The following NOP16 variants were observed in gnomAD, a reference collection of about 807,000 sequenced individuals.
The protein encoded by NOP16 is NOP16 nucleolar protein, also known as nucleolar protein 16.
Under a neutral mutation model 22.7 loss-of-function variants are expected in NOP16, and 14 were observed. That is an observed-to-expected ratio of 0.62 (90% CI 0.41 to 0.97). The LOEUF (loss-of-function observed/expected upper bound fraction) is 0.97. NOP16 is among the 50% of genes least tolerant of loss of function. The probability of loss-of-function intolerance (pLI) is 0.00; values close to 1 mark genes in which losing one functional copy is unlikely to be tolerated. For missense variants in NOP16, 198 were observed against 235.9 expected (o/e 0.84, Z 1.05); for synonymous variants, 80 against 83.6 (o/e 0.96, Z 0.23).
chr5:176,388,093 G>A (rs1756029967), intron 2 of NOP16, 142 bp downstream of exon 2: 1 of 632,770 alleles, frequency 1.6e-6, no homozygotes, highest in Admixed American at 2.8e-5. Flanking sequence ...CTCAACGTCA[G>A]TTGAGCGTTC....
intron 1 of NOP16, 37 bp from the exon 2 acceptor site, chr5:176,388,380 C>A: frequency 6.2e-7 from 1 of 1,612,960 alleles, no homozygotes; most frequent in South Asian, 1.1e-5. Context: ...TCCGTCATCT[C>A]GCGGACCGTC....
chr5:176,385,066 A>G, intron 4 of NOP16, 155 bp downstream of exon 4: 2 of 656,016 alleles, frequency 3.0e-6, no homozygotes, highest in South Asian at 1.7e-5. Context: ...CATTCATTCA[A>G]GTTAGATCCC....
At chr5:176,384,681 G>T in intron 4 of NOP16, 1 of 421,212 alleles carries the variant, frequency 2.4e-6, no homozygotes, top group Non-Finnish European at 4.2e-6. Flanking sequence ...GAGGCAGGAG[G>T]ACTGTTTCAG....
intron 3 of NOP16, among the ~76,000 whole-genome samples, chr5:176,385,671 C>T (rs1755783197): frequency 6.6e-6 from 1 of 152,208 alleles, no homozygotes; most frequent in Non-Finnish European, 1.5e-5. Context: ...CATACCTGCC[C>T]ACAGGACAGG....
In NOP16 at chr5:176,384,036, G is replaced by A; in HGVS notation, c.*195C>T. The A allele has an allele frequency of 6.5e-7, 1 of 1,543,484 alleles. No individual in the cohort carries two copies. The highest frequency in any genetic ancestry group is 8.7e-7 in the Non-Finnish European group (1 of 1,149,902). On this transcript the variant is annotated 3_prime_UTR_variant, in exon 5 of 5. Coordinates refer to ENST00000614830, the MANE Select transcript of NOP16 (RefSeq NM_016391.8). ...CTGGCTTTTCCGTGAACCCCCAGATGAATATAAATTGGAGCCTCTGAGAAC... is the reference window on the plus strand; with the variant it reads ...CTGGCTTTTCCGTGAACCCCCAGATAAATATAAATTGGAGCCTCTGAGAAC...
chr5:176,385,775 G>T (rs1755794287), intron 3 of NOP16, among the ~76,000 whole-genome samples: 1 of 152,184 alleles, frequency 6.6e-6, no homozygotes, highest in African/African-American at 2.4e-5. Context: ...ATCTAGAGCT[G>T]CCGGGTCTGG....
chr5:176,388,449 C>G lies in NOP16; in HGVS notation c.91G>C (p.Ala31Pro). The change falls in exon 1 of 5, where the codon GCG becomes CCG. Residue 31 changes from alanine to proline, a missense_variant. Ala to Pro is a conservative substitution (Grantham distance 27, BLOSUM62 -1). Transcript: ENST00000614830. ...CCCCCTCACCATTCGATCCGCGGCG[C>G]TGCCTTCCGTCGAGCATTCCGGTTC... ...RLNRNARRKA[A>P]PRIECSHIRH... 1 of 1,614,214 alleles carries G rather than the reference C, an allele frequency of 6.2e-7. No homozygotes were observed. Among genetic ancestry groups the G allele is most frequent in the South Asian group, 1.1e-5 (1 of 91,092 alleles).
At position 176,384,127 on chromosome 5, in the gene NOP16, C is replaced by T. The variant is rs745475778; in HGVS notation, c.*104G>A. The T allele has an allele frequency of 4.3e-6, 7 of 1,611,294 alleles. No individual in the cohort carries two copies. In the African/African-American group the frequency reaches 8.0e-5, roughly 18 times the overall value. On this transcript the variant is annotated 3_prime_UTR_variant, in exon 5 of 5. Coordinates refer to ENST00000614830, the MANE Select transcript of NOP16 (RefSeq NM_016391.8). ...AACCTTCTGATTCCATGGGACCTGG[C>T]CAGCTCCTCTGGAGCCACACAGCAC...
chr5:176,384,757 G>A (rs982226572), intron 4 of NOP16: 18 of 352,762 alleles, frequency 5.1e-5, no homozygotes, highest in Admixed American at 2.6e-4. Context: ...GTGACAGAGC[G>A]AGATTCTGTC....
In NOP16 at chr5:176,388,336, T is replaced by C. The variant is rs1340496823; in HGVS notation, c.115A>G (p.Ile39Val). The C allele has an allele frequency of 3.1e-6, 5 of 1,613,982 alleles. No homozygotes were observed. The Admixed American group carries it at 8.3e-5, about 27-fold the overall frequency. Reference protein sequence around the residue: ...KAAPRIECSHIRHAWDHAKSV... With the variant: ...KAAPRIECSHVRHAWDHAKSV... ...TTAGCGTGGTCCCAGGCATGTCGGA[T>C]GTGGGAGCTACCGGCAAAGAGAGAC... The change falls in exon 2 of 5, where the codon ATC becomes GTC. Residue 39 changes from isoleucine to valine, a missense_variant. By Grantham distance (29) the Ile-to-Val change is conservative. Coordinates refer to ENST00000614830, the MANE Select transcript of NOP16 (RefSeq NM_016391.8).
In NOP16 at chr5:176,386,900, T is replaced by A; in HGVS notation, c.226A>T (p.Met76Leu). 1 of 1,614,092 alleles carries A rather than the reference T, an allele frequency of 6.2e-7. No homozygotes were observed. The highest frequency in any genetic ancestry group is 8.5e-7 in the Non-Finnish European group (1 of 1,179,944). Residue 76 changes from methionine to leucine, a missense_variant, in exon 3 of 5, where the codon ATG becomes TTG. Coordinates refer to ENST00000614830, the MANE Select transcript of NOP16 (RefSeq NM_016391.8). ...VPLRKRKVKA[M>L]EVDIEERPKE... Reference sequence around the variant, plus strand: ...GGCCTCTCCTCTATGTCCACCTCCATGGCCTTCACCTGCAGAGAACAGAGC... The same window carrying A: ...GGCCTCTCCTCTATGTCCACCTCCAAGGCCTTCACCTGCAGAGAACAGAGC...
At position 176,388,545 on chromosome 5, in the gene NOP16, T is replaced by G. The variant is rs1165596422; in HGVS notation, c.-6A>C. 1.4e-5 allele frequency: 23 copies of G among 1,606,646 alleles called. No homozygotes were observed. Among genetic ancestry groups the G allele is most frequent in the Admixed American group, 1.7e-5 (1 of 59,870 alleles). ...TTGCCCTTGGCCTTGGGCATCGCGC[T>G]GACCACCGCACCAGCAGCTCAAACA... is the stretch of plus-strand genomic sequence containing the variant. On this transcript the variant is annotated 5_prime_UTR_variant, in exon 1 of 5. Transcript: ENST00000614830.
rs775343536 is a variant in NOP16, at chr5:176,386,903, C to T, written c.223G>A (p.Ala75Thr). The T allele has an allele frequency of 1.2e-6, 2 of 1,614,052 alleles. No individual in the cohort carries two copies. Among genetic ancestry groups the T allele is most frequent in the Admixed American group, 3.3e-5 (2 of 59,990 alleles). ...AVPLRKRKVK[A>T]MEVDIEERPK... Reference sequence around the variant, plus strand: ...CTCTCCTCTATGTCCACCTCCATGGCCTTCACCTGCAGAGAACAGAGCCCT... The same window carrying T: ...CTCTCCTCTATGTCCACCTCCATGGTCTTCACCTGCAGAGAACAGAGCCCT... The change falls in exon 3 of 5, where the codon GCC (alanine) becomes ACC (threonine). Residue 75 changes from alanine to threonine, a missense_variant. Coordinates refer to ENST00000614830, the MANE Select transcript of NOP16 (RefSeq NM_016391.8).
chr5:176,384,770 A>C (rs113747452), intron 4 of NOP16: 2 of 337,306 alleles, frequency 5.9e-6, no homozygotes, highest in Non-Finnish European at 1.1e-5. Flanking sequence ...ATTCTGTCTC[A>C]AAAAAAAGAC....
chr5:176,385,254 G>C lies in NOP16; in HGVS notation c.360C>G (p.Arg120=), dbSNP rs1171574882. 1.2e-6 allele frequency: 2 copies of C among 1,611,294 alleles called. No individual in the cohort carries two copies. The highest frequency in any genetic ancestry group is 2.7e-5 in the African/African-American group (2 of 74,900). Residue 120 remains arginine (R), a synonymous_variant, in exon 4 of 5, where the codon CGC becomes CGG. Transcript: ENST00000614830. ...TLSRDLIDYV[R]YMVENHGEDY... is the part of the protein sequence containing the mutation. ...CCTCCCCGTGGTTCTCTACCATGTA[G>C]CGTACATAGTCAATGAGGTCCCGAG...
chr5:176,385,418 A>T, intron 3 of NOP16, 91 bp from the exon 4 acceptor site: 1 of 788,138 alleles, frequency 1.3e-6, no homozygotes, highest in Non-Finnish European at 2.2e-6. Context: ...CCCACTCCCA[A>T]GCCACAAGAC....
chr5:176,388,443 G>T lies in NOP16; in HGVS notation c.97C>A (p.Arg33=), dbSNP rs760690134. ...CCCCAGCCCCCTCACCATTCGATCC[G>T]CGGCGCTGCCTTCCGTCGAGCATTC... ...NRNARRKAAP[R]IECSHIRHAW... is the part of the protein sequence containing the mutation. Residue 33 remains arginine (R), a synonymous_variant, in exon 1 of 5, where the codon CGG becomes AGG. Coordinates refer to ENST00000614830, the MANE Select transcript of NOP16 (RefSeq NM_016391.8). The T allele has an allele frequency of 8.1e-6, 13 of 1,614,020 alleles. No homozygotes were observed. In the South Asian group the frequency reaches 1.3e-4, roughly 16 times the overall value.
Position 176,385,275 on chromosome 5 carries a change from C to G in NOP16, c.339G>C (p.Arg113=). The G allele has an allele frequency of 6.2e-7, 1 of 1,613,584 alleles. No individual in the cohort carries two copies. The highest frequency in any genetic ancestry group is 8.5e-7 in the Non-Finnish European group (1 of 1,179,496). ...TGTAGCGTACATAGTCAATGAGGTC[C>G]CGAGACAGAGTATTTCCTTTCTTTT... is the stretch of plus-strand genomic sequence containing the variant. ...LPEKKGNTLS[R]DLIDYVRYMV... The change falls in exon 4 of 5, where the codon CGG becomes CGC. Residue 113 remains arginine, a synonymous_variant. Transcript: ENST00000614830.
intron 2 of NOP16, 113 bp downstream of exon 2, chr5:176,388,122 A>C (rs1365295636): frequency 1.3e-6 from 1 of 781,370 alleles, no homozygotes; most frequent in East Asian, 2.6e-5. Flanking sequence ...GGGAGGTCGA[A>C]AACTCGGAAG....
Sources: allele counts gnomAD v4.1 joint callset (sites outside exome capture counted in the v4.1 genomes callset), GRCh38; gene constraint gnomAD v4.1.1; transcripts MANE v1.5; gene names NCBI Gene and HGNC (gene_info 2026-07-23, HGNC 2026-07-21).